PRKCE: variants seen among roughly 807,000 people sequenced by gnomAD.
PRKCE encodes the protein protein kinase C epsilon type.
PRKCE carries 16 observed loss-of-function variants against 85.4 expected under a neutral mutation model. That is an observed-to-expected ratio of 0.19 (90% CI 0.13 to 0.28). PRKCE has a LOEUF of 0.28. Among genes scored for constraint, PRKCE ranks in the 10% least tolerant of loss-of-function variants. PRKCE has a pLI of 1.00. For synonymous variants in PRKCE, 388 were observed against 371.5 expected (o/e 1.04, Z -0.51); for missense variants, 573 against 975.2 (o/e 0.59, Z 5.49).
chr2:45,897,353 G>T (rs1012779719), intron 2 of PRKCE, among the ~76,000 whole-genome samples: 13 of 152,176 alleles, frequency 8.5e-5, no homozygotes, highest in Non-Finnish European at 1.9e-4. Context: ...ACACAGCCTG[G>T]TAATCACTGT....
chr2:46,145,301 C>T lies in PRKCE; in HGVS notation c.1731+70C>T. 6.4e-7 allele frequency: 1 copy of T among 1,558,914 alleles called. No individual in the cohort carries two copies. Among genetic ancestry groups the T allele is most frequent in the Non-Finnish European group, 8.7e-7 (1 of 1,146,600 alleles). The stretch of plus-strand genomic sequence containing the variant: ...CGAGGCAGGGGTCCAAACCCATGCA[C>T]TGGGGTCATCTAGTGGTGCTGGGGG... On this transcript the variant is annotated intron_variant, in intron 12 of 14. Coordinates refer to ENST00000306156, the MANE Select transcript of PRKCE (RefSeq NM_005400.3). The surrounding 1 kb of genome is among the most constrained non-coding windows in gnomAD (Gnocchi z 4.6).
intron 2 of PRKCE, among the ~76,000 whole-genome samples, chr2:45,853,015 C>G (rs1371115401): frequency 6.6e-6 from 1 of 152,180 alleles, no homozygotes; most frequent in African/African-American, 2.4e-5. Context: ...TATTCCGCCT[C>G]TGAACCATGC....
intron 2 of PRKCE, among the ~76,000 whole-genome samples, chr2:45,900,405 C>G (rs949606042): frequency 6.6e-6 from 1 of 152,194 alleles, no homozygotes; most frequent in Admixed American, 6.5e-5. Context: ...AAAATGTGGT[C>G]TATACATGCA....
intron 1 of PRKCE, among the ~76,000 whole-genome samples, chr2:45,714,043 G>A (rs924582834): frequency 1.3e-5 from 2 of 152,194 alleles, no homozygotes; most frequent in Non-Finnish European, 2.9e-5. Context: ...TACATTTACT[G>A]TCATAATTAT....
chr2:45,885,914 C>G (rs1695266421), intron 2 of PRKCE, among the ~76,000 whole-genome samples: 1 of 152,182 alleles, frequency 6.6e-6, no homozygotes, highest in African/African-American at 2.4e-5. Context: ...CATGGAGTTG[C>G]TTTTTAACGA....
chr2:46,158,247 AG>A, intron 13 of PRKCE, among the ~76,000 whole-genome samples: 2 of 152,358 alleles, frequency 1.3e-5, no homozygotes, highest in Non-Finnish European at 2.9e-5. Flanking sequence ...CAGAGGAGGT[AG>A]CATTTTGACT....
intron 12 of PRKCE, among the ~76,000 whole-genome samples, chr2:46,150,235 A>G (rs1190709131): frequency 1.3e-5 from 2 of 152,226 alleles, no homozygotes; most frequent in African/African-American, 4.8e-5. Context: ...GGCTAGAGGA[A>G]AAAGAGAGAC....
intron 2 of PRKCE, among the ~76,000 whole-genome samples, chr2:45,917,786 A>G (rs1697924096): frequency 6.6e-6 from 1 of 152,188 alleles, no homozygotes; most frequent in South Asian, 2.1e-4. Context: ...AGGCTCAGGC[A>G]TGGTGGGCTG....
chr2:45,696,006 TG>T (rs1678116994), intron 1 of PRKCE, among the ~76,000 whole-genome samples: 1 of 152,088 alleles, frequency 6.6e-6, no homozygotes, highest in Admixed American at 6.5e-5. Flanking sequence ...TAGTTACATA[TG>T]TATACATGTG....
chr2:45,730,646 G>A (rs1330530059), intron 1 of PRKCE, among the ~76,000 whole-genome samples: 5 of 151,738 alleles, frequency 3.3e-5, no homozygotes, highest in African/African-American at 1.2e-4. Context: ...TTTTAGTACA[G>A]ACAGGGTTTC....
intron 2 of PRKCE, among the ~76,000 whole-genome samples, chr2:45,949,823 C>A (rs6751349): frequency 0.19 from 29,272 of 151,440 alleles, 3,737 homozygotes; most frequent in African/African-American, 0.36. Flanking sequence ...GCTGATACAC[C>A]ATGTTTTAAT....
At chr2:45,785,490 A>G (rs555075065) in intron 1 of PRKCE, among the ~76,000 whole-genome samples, 38 of 148,408 alleles carry the variant, frequency 2.6e-4, no homozygotes, top group Non-Finnish European at 5.2e-4. Flanking sequence ...ACTCCCTCTC[A>G]AAAAAAGAAT....
intron 11 of PRKCE, among the ~76,000 whole-genome samples, chr2:46,135,998 A>G (rs1674954561): frequency 1.3e-5 from 2 of 151,902 alleles, no homozygotes; most frequent in Admixed American, 6.6e-5. Flanking sequence ...TGCCAGAAGA[A>G]CCAATATTCC....
At chr2:45,998,109 A>G (rs988311970) in intron 6 of PRKCE, among the ~76,000 whole-genome samples, 1 of 152,270 alleles carries the variant, frequency 6.6e-6, no homozygotes, top group Non-Finnish European at 1.5e-5. Context: ...CTTGAGAAGA[A>G]TGTGTATTCT....
chr2:46,088,402 G>A (rs369295668), intron 11 of PRKCE, among the ~76,000 whole-genome samples: 7 of 152,146 alleles, frequency 4.6e-5, no homozygotes, highest in Non-Finnish European at 5.9e-5. Context: ...GAGTCCCTCC[G>A]TCCCTCACAC....
chr2:46,092,126 A>G (rs986575481), intron 11 of PRKCE, among the ~76,000 whole-genome samples: 22 of 152,356 alleles, frequency 1.4e-4, no homozygotes, highest in African/African-American at 4.8e-4. Flanking sequence ...AAGTTTAGAT[A>G]GTACCTGCCT....
chr2:45,926,749 G>C (rs1455097802), intron 2 of PRKCE, among the ~76,000 whole-genome samples: 1 of 152,246 alleles, frequency 6.6e-6, no homozygotes, highest in African/African-American at 2.4e-5. Flanking sequence ...CTGTGGGCCA[G>C]AGGCACCAAA....
At chr2:45,814,707 A>T (rs1688902239) in intron 1 of PRKCE, among the ~76,000 whole-genome samples, 1 of 152,210 alleles carries the variant, frequency 6.6e-6, no homozygotes. Flanking sequence ...CCTCAGGCAC[A>T]TTCAGGTTGG....
At position 46,104,300 on chromosome 2, in the gene PRKCE, T is replaced by TTTTTTG. The variant is rs201973904; in HGVS notation, c.1592+17943_1592+17944insGTTTTT. ...CTTGAAACCCTTCACCTTGTACTTTTTTTTTTTTTTTTTTGCCATATCTGC... is the reference window on the plus strand; with the variant it reads ...CTTGAAACCCTTCACCTTGTACTTTTTTTTTGTTTTTTTTTTTTTTGCCATATCTGC... On this transcript the variant is annotated intron_variant, in intron 11 of 14. Transcript: ENST00000306156. Among the ~76,000 whole-genome samples, 224 of 121,304 alleles carry TTTTTTG rather than the reference T, an allele frequency of 1.8e-3. 2 individuals carry two copies. Among genetic ancestry groups the TTTTTTG allele is most frequent in the Middle Eastern group, 0.012 (3 of 242 alleles). The allele number at this position is 121,304 out of a possible 152,430, so 79.6% of individuals were successfully genotyped here.
Sources: allele counts gnomAD v4.1 joint callset (sites outside exome capture counted in the v4.1 genomes callset), GRCh38; gene constraint gnomAD v4.1.1; non-coding constraint Gnocchi (gnomAD v3.1); transcripts MANE v1.5; gene names NCBI Gene and HGNC (gene_info 2026-07-23, HGNC 2026-07-21).